The following DIP2B variants were observed in gnomAD, a reference collection of about 807,000 sequenced individuals.
The protein encoded by DIP2B is DIP2 acetate--CoA ligase B (putative), also known as disco-interacting protein 2 homolog B.
DIP2B carries 76 observed loss-of-function variants against 198.0 expected under a neutral mutation model. That is an observed-to-expected ratio of 0.38 (90% CI 0.32 to 0.46). The LOEUF is 0.46. Ranked by LOEUF, DIP2B falls within the 20% of genes least tolerant of loss-of-function variation. The pLI, the probability that DIP2B is intolerant of heterozygous loss-of-function variation, is 0.99. For missense variants in DIP2B, 1,559 were observed against 1,978.4 expected (o/e 0.79, Z 4.02); for synonymous variants, 701 against 739.1 (o/e 0.95, Z 0.84).
At chr12:50,674,361 C>T in intron 5 of DIP2B, 113 bp from the exon 6 acceptor site, 1 of 1,073,486 alleles carries the variant, frequency 9.3e-7, no homozygotes. Context: ...TTTACAAGAG[C>T]CAGTGCCCCC....
At chr12:50,560,222 G>A (rs112200354) in intron 1 of DIP2B, among the ~76,000 whole-genome samples, 2 of 151,734 alleles carry the variant, frequency 1.3e-5, no homozygotes, top group Non-Finnish European at 2.9e-5. Flanking sequence ...GTGAAACCCC[G>A]TCTCTACTAA....
intron 1 of DIP2B, among the ~76,000 whole-genome samples, chr12:50,589,588 A>G (rs142055072): frequency 2.6e-5 from 4 of 152,232 alleles, no homozygotes; most frequent in South Asian, 2.1e-4. Context: ...AAATCTAGGG[A>G]AAGTGTTTTT....
chr12:50,732,634 C>G, intron 32 of DIP2B, 98 bp downstream of exon 32: 1 of 1,452,304 alleles, frequency 6.9e-7, no homozygotes, highest in Non-Finnish European at 9.4e-7. Context: ...GCTTGGGCCC[C>G]AGCCGCACTT....
chr12:50,744,356 G>A (rs1940310183), intron 37 of DIP2B, among the ~76,000 whole-genome samples: 1 of 151,980 alleles, frequency 6.6e-6, no homozygotes, highest in Non-Finnish European at 1.5e-5. Flanking sequence ...CAACTCAGCT[G>A]TGTTCACAGG....
chr12:50,577,157 C>G (rs1251275347), intron 1 of DIP2B, among the ~76,000 whole-genome samples: 1 of 152,136 alleles, frequency 6.6e-6, no homozygotes, highest in East Asian at 1.9e-4. Context: ...GGTTTTCCAA[C>G]TTTACACTCT....
chr12:50,681,309 A>G (rs1247325994), intron 9 of DIP2B, among the ~76,000 whole-genome samples: 1 of 151,718 alleles, frequency 6.6e-6, no homozygotes, highest in Non-Finnish European at 1.5e-5. Context: ...GGTGGCATGC[A>G]CCTGTAGTCC....
chr12:50,581,728 T>C (rs1333441326), intron 1 of DIP2B, among the ~76,000 whole-genome samples: 1 of 151,994 alleles, frequency 6.6e-6, no homozygotes, highest in African/African-American at 2.4e-5. Flanking sequence ...GGATATCCAC[T>C]CAACTCCTGC....
Position 50,685,717 on chromosome 12 carries a change from G to T in DIP2B, c.1318-116G>T, listed in dbSNP as rs2139540976. 2.5e-6 allele frequency: 3 copies of T among 1,184,770 alleles called. No individual in the cohort carries two copies. In the South Asian group the frequency reaches 5.9e-5, roughly 23 times the overall value. The allele number at this position is 1,184,770 out of a possible 1,614,324, so 73.4% of individuals were successfully genotyped here. On this transcript the variant is annotated intron_variant, in intron 10 of 37. Transcript: ENST00000301180. ...GGATTTTGACAATTGCCAGATATTG[G>T]TGGGGCTCCATGAATGTTATCAAAC... is the stretch of plus-strand genomic sequence containing the variant.
intron 37 of DIP2B, 23 bp from the exon 38 acceptor site, chr12:50,744,564 A>G: frequency 6.2e-7 from 1 of 1,609,890 alleles, no homozygotes; most frequent in Non-Finnish European, 8.5e-7. Flanking sequence ...TGACAAGTTA[A>G]TGAATTGTCA....
intron 1 of DIP2B, among the ~76,000 whole-genome samples, chr12:50,507,163 A>G (rs1015713723): frequency 6.6e-6 from 1 of 152,200 alleles, no homozygotes; most frequent in Non-Finnish European, 1.5e-5. Context: ...GGACAAGTGC[A>G]TGGTTTGCTT....
At chr12:50,694,599 C>CACTT (rs1242579591) in intron 14 of DIP2B, among the ~76,000 whole-genome samples, 1 of 151,092 alleles carries the variant, frequency 6.6e-6, no homozygotes, top group African/African-American at 2.4e-5. Flanking sequence ...GCAAGAGAAT[C>CACTT]ACTTGAGTTC....
chr12:50,715,183 G>C (rs892886756), intron 23 of DIP2B, among the ~76,000 whole-genome samples: 15 of 152,208 alleles, frequency 9.9e-5, no homozygotes, highest in African/African-American at 3.4e-4. Flanking sequence ...TGTTCTTCTA[G>C]CTTCCCATCT....
At chr12:50,647,281 C>T (rs921631227) in intron 3 of DIP2B, among the ~76,000 whole-genome samples, 9 of 152,014 alleles carry the variant, frequency 5.9e-5, no homozygotes, top group African/African-American at 2.2e-4. Context: ...TTCTCCCCCC[C>T]GCCCAAAACA....
intron 28 of DIP2B, among the ~76,000 whole-genome samples, 161 bp downstream of exon 28, chr12:50,725,047 C>T (rs1939906764): frequency 6.6e-6 from 1 of 152,210 alleles, no homozygotes; most frequent in Non-Finnish European, 1.5e-5. Context: ...GGACTAGACA[C>T]TGACAGCAGA....
At chr12:50,611,949 A>G (rs2139454393) in intron 1 of DIP2B, among the ~76,000 whole-genome samples, 1 of 152,052 alleles carries the variant, frequency 6.6e-6, no homozygotes, top group African/African-American at 2.4e-5. Flanking sequence ...CTATAATCCC[A>G]GGACTTTAAG....
chr12:50,555,190 G>C (rs1317265126), intron 1 of DIP2B, among the ~76,000 whole-genome samples: 6 of 152,148 alleles, frequency 3.9e-5, no homozygotes. Flanking sequence ...GTCTTCTGTA[G>C]GGTGAGGAAA....
chr12:50,669,354 T>G (rs956302431), intron 4 of DIP2B, among the ~76,000 whole-genome samples: 1 of 152,172 alleles, frequency 6.6e-6, no homozygotes, highest in African/African-American at 2.4e-5. Context: ...CCTTCCTCAA[T>G]ATGAAATAAT....
chr12:50,674,368 C>T (rs934022726), intron 5 of DIP2B, 106 bp from the exon 6 acceptor site: 130 of 1,175,844 alleles, frequency 1.1e-4, no homozygotes, highest in Middle Eastern at 6.7e-4. Flanking sequence ...GAGCCAGTGC[C>T]CCCATTTATG....
At chr12:50,573,845 AAT>A (rs1220171744) in intron 1 of DIP2B, among the ~76,000 whole-genome samples, 1 of 152,226 alleles carries the variant, frequency 6.6e-6, no homozygotes, top group Non-Finnish European at 1.5e-5. Context: ...TTATTCAAAT[AAT>A]TTGTCTTAGG....
Sources: gnomAD v4.1 joint callset for allele counts (sites outside exome capture counted in the v4.1 genomes callset) on GRCh38, gnomAD v4.1.1 for gene constraint, MANE v1.5 for transcripts, NCBI Gene and HGNC (gene_info 2026-07-23, HGNC 2026-07-21) for gene names.